Variants in ZNF778 observed in about 807,000 individuals in gnomAD.
ZNF778 encodes zinc finger protein 778.
Under a neutral mutation model 23.9 loss-of-function variants are expected in ZNF778, and 37 were observed. The ratio of observed to expected loss-of-function variants is 1.54; its 90% confidence interval spans 1.19 to 2.03. ZNF778 has a LOEUF of 2.03. Among genes scored for constraint, ZNF778 ranks in the 30% most tolerant of loss-of-function variants. The pLI is 0.00. For synonymous variants in ZNF778, 483 were observed against 343.9 expected, an observed-to-expected ratio of 1.40 and a Z score of -4.48; for missense variants, 1,297 against 934.4, an observed-to-expected ratio of 1.39 and a Z score of -5.06.
rs7205004 is a variant in ZNF778 at position 89,226,299 on chromosome 16, T to G, written c.406-395T>G. ...TAGCTCGCCGCAACCTCTGCCTCCC[T>G]GGTTCAAGCCATTCTTCTGCCTCAG... On this transcript the variant is annotated intron_variant, in intron 6 of 6. Coordinates refer to ENST00000433976, the MANE Select transcript of ZNF778 (RefSeq NM_001201407.2). 6.3e-3 allele frequency among the ~76,000 whole-genome samples: 954 copies of G among 151,154 alleles called. 9 individuals are homozygous for G. Among genetic ancestry groups the G allele is most frequent in the African/African-American group, 0.022 (917 of 41,126 alleles).
chr16:89,236,720 G>T lies in ZNF778; in HGVS notation c.*8158G>T, dbSNP rs904466160. 2 of 152,246 alleles carry T rather than the reference G, an allele frequency of 1.3e-5. No individual in the cohort carries two copies. The highest frequency in any genetic ancestry group is 6.5e-5 in the Admixed American group (1 of 15,280). 9.4% of individuals were successfully genotyped at this position (152,246 alleles called of 1,614,324 possible). ...CGTGGAGGTTCCGTGCTCCATTTCA[G>T]TGGCAAAATACCATTCCAGAAGGAC... is the stretch of plus-strand genomic sequence containing the variant. On this transcript the variant is annotated 3_prime_UTR_variant, in exon 7 of 7. Transcript: ENST00000433976.
At chr16:89,222,651 A>C (rs35492505) in intron 3 of ZNF778, among the ~76,000 whole-genome samples, 14,686 of 152,266 alleles carry the variant, frequency 0.096, 942 homozygotes, top group African/African-American at 0.18. Flanking sequence ...GGCTTGCACC[A>C]CTGCGCCCAG....
Position 89,232,872 on chromosome 16 carries a change from T to C in ZNF778, c.*4310T>C, listed in dbSNP as rs62068538. On this transcript the variant is annotated 3_prime_UTR_variant, in exon 7 of 7. Transcript: ENST00000433976. ...ACCGTGTATGCAAATCAACTCGCAC[T>C]GCGTATGCAACTCAACTCGCACTGC... The C allele has an allele frequency of 8.0e-7, 1 of 1,243,392 alleles. No homozygotes were observed. The highest frequency in any genetic ancestry group is 1.8e-5 in the African/African-American group (1 of 54,678). 77.0% of individuals were successfully genotyped at this position (1,243,392 alleles called of 1,614,324 possible). A position where few individuals can be genotyped will look rare whatever the true frequency, so the allele number is the denominator to read the frequency against.
chr16:89,228,296 G>C lies in ZNF778; in HGVS notation c.2008G>C (p.Glu670Gln), dbSNP rs201576508. ...CGAACACAGAAGGACTCACACAGGA[G>C]AGAAACCTTACATATGTAACGAGTG... is the stretch of plus-strand genomic sequence containing the variant. ...LIEHRRTHTG[E>Q]KPYICNECGK... Residue 670 changes from glutamate (E) to glutamine (Q), a missense_variant, in exon 7 of 7, where the codon GAG (glutamate) becomes CAG (glutamine). Coordinates refer to ENST00000433976, the MANE Select transcript of ZNF778 (RefSeq NM_001201407.2). The C allele has an allele frequency of 5.0e-5, 81 of 1,605,994 alleles. No individual in the cohort carries two copies. The highest frequency in any genetic ancestry group is 6.5e-5 in the Non-Finnish European group (76 of 1,173,654).
rs978468937 is a variant in ZNF778, at chr16:89,230,797, C to T, written c.*2235C>T. 5 of 152,250 alleles carry T rather than the reference C, an allele frequency of 3.3e-5. No individual in the cohort carries two copies. The highest frequency in any genetic ancestry group is 9.6e-5 in the African/African-American group (4 of 41,468). 9.4% of individuals were successfully genotyped at this position (152,250 alleles called of 1,614,324 possible). Reference sequence around the variant, plus strand: ...ATCCCCACGGTATAAAGGTAATCTACAACGAGGTGAACAATAAATCCTGGA... The same window carrying T: ...ATCCCCACGGTATAAAGGTAATCTATAACGAGGTGAACAATAAATCCTGGA... On this transcript the variant is annotated 3_prime_UTR_variant, in exon 7 of 7. Transcript: ENST00000433976.
rs370376546 is a variant in ZNF778 at position 89,233,184 on chromosome 16, G to A, written c.*4622G>A. ...CAGCTCGCACTGCGTATGCAACTCAGCTCGCACTGCGTATGCAACTCAGCT... is the reference window on the plus strand; with the variant it reads ...CAGCTCGCACTGCGTATGCAACTCAACTCGCACTGCGTATGCAACTCAGCT... On this transcript the variant is annotated 3_prime_UTR_variant, in exon 7 of 7. Coordinates refer to ENST00000433976, the MANE Select transcript of ZNF778 (RefSeq NM_001201407.2). 4 of 442,086 alleles carry A rather than the reference G, an allele frequency of 9.0e-6. No homozygotes were observed. The highest frequency in any genetic ancestry group is 3.6e-5 in the African/African-American group (1 of 27,956). The allele number at this position is 442,086 out of a possible 1,614,324, so 27.4% of individuals were successfully genotyped here. A position where few individuals can be genotyped will look rare whatever the true frequency, so the allele number is the denominator to read the frequency against.
chr16:89,232,731 G>A lies in ZNF778; in HGVS notation c.*4169G>A, dbSNP rs928601324. 16 of 1,281,348 alleles carry A rather than the reference G, an allele frequency of 1.2e-5. No individual in the cohort carries two copies. Among genetic ancestry groups the A allele is most frequent in the Non-Finnish European group, 1.2e-5 (12 of 983,386 alleles). The allele number at this position is 1,281,348 out of a possible 1,614,324, so 79.4% of individuals were successfully genotyped here. ...CCTCTCAGGCTAGATCATTCCTAAAGATGGTAAACAACTTGCTGGAAACAT... is the reference window on the plus strand; with the variant it reads ...CCTCTCAGGCTAGATCATTCCTAAAAATGGTAAACAACTTGCTGGAAACAT... On this transcript the variant is annotated 3_prime_UTR_variant, in exon 7 of 7. Transcript: ENST00000433976.
At position 89,226,982 on chromosome 16, in the gene ZNF778, G is replaced by C. The variant is rs372662997; in HGVS notation, c.694G>C (p.Glu232Gln). The C allele has an allele frequency of 2.0e-5, 32 of 1,613,912 alleles. No homozygotes were observed. In the South Asian group the frequency reaches 3.5e-4, roughly 18 times the overall value. Reference protein sequence around the residue: ...DRSLDYSSCGEVFLNQSYLQA... With the variant: ...DRSLDYSSCGQVFLNQSYLQA... ...ATCTCTTGACTACAGCAGCTGTGGG[G>C]AAGTGTTCCTTAATCAGTCATACCT... Residue 232 changes from glutamate (E) to glutamine (Q), a missense_variant, in exon 7 of 7, where the codon GAA (glutamate) becomes CAA (glutamine). By Grantham distance (29) the Glu-to-Gln change is conservative (BLOSUM62 2). Coordinates refer to ENST00000433976, the MANE Select transcript of ZNF778 (RefSeq NM_001201407.2).
chr16:89,228,402 A>T lies in ZNF778; in HGVS notation c.2114A>T (p.Glu705Val), dbSNP rs1364517570. The T allele has an allele frequency of 6.2e-7, 1 of 1,613,800 alleles. No homozygotes were observed. The highest frequency in any genetic ancestry group is 8.5e-7 in the Non-Finnish European group (1 of 1,179,866). The change falls in exon 7 of 7, where the codon GAA (glutamate) becomes GTA (valine). Residue 705 changes from glutamate (E) to valine (V), a missense_variant. Coordinates refer to ENST00000433976, the MANE Select transcript of ZNF778 (RefSeq NM_001201407.2). ...HTGQKPYKCK[E>V]CGKAYNRFYL... Reference sequence around the variant, plus strand: ...GGGCAGAAACCCTATAAATGTAAGGAATGTGGGAAAGCATACAATAGGTTT... The same window carrying T: ...GGGCAGAAACCCTATAAATGTAAGGTATGTGGGAAAGCATACAATAGGTTT...
rs374430269 is a variant in ZNF778 at position 89,235,569 on chromosome 16, G to A, written c.*7007G>A. 7 of 152,202 alleles carry A rather than the reference G, an allele frequency of 4.6e-5. No individual in the cohort carries two copies. The East Asian group carries it at 9.6e-4, about 21-fold the overall frequency. The allele number at this position is 152,202 out of a possible 1,614,324, so 9.4% of individuals were successfully genotyped here. A position where few individuals can be genotyped will look rare whatever the true frequency, so the allele number is the denominator to read the frequency against. Reference sequence around the variant, plus strand: ...AACCTGACTAGGTTACTCGCCTGATGAACCAGTATCTCCATCACCCGTGGG... The same window carrying A: ...AACCTGACTAGGTTACTCGCCTGATAAACCAGTATCTCCATCACCCGTGGG... On this transcript the variant is annotated 3_prime_UTR_variant, in exon 7 of 7. Coordinates refer to ENST00000433976, the MANE Select transcript of ZNF778 (RefSeq NM_001201407.2).
At chr16:89,222,206 C>A (rs946969484) in intron 3 of ZNF778, 23 bp downstream of exon 3, 5 of 1,557,840 alleles carry the variant, frequency 3.2e-6, no homozygotes, top group Non-Finnish European at 4.4e-6. Flanking sequence ...TGTATTTTTT[C>A]TTAAAATAAC....
chr16:89,227,580 CTG>C lies in ZNF778; in HGVS notation c.1295_1296del (p.Val432AlafsTer6). ...TGCAGCTACTGTGGGAAGGCCTTCACTGTGCGCTGTGGCCTTACTAGACACGT... is the reference window on the plus strand; with the variant it reads ...TGCAGCTACTGTGGGAAGGCCTTCACTGCGCTGTGGCCTTACTAGACACGT... On this transcript the variant is annotated frameshift_variant, in exon 7 of 7. Transcript: ENST00000433976. LOFTEE classifies it low-confidence loss of function (END_TRUNC). 6.2e-7 allele frequency: 1 copy of C among 1,614,196 alleles called. No homozygotes were observed. The highest frequency in any genetic ancestry group is 8.5e-7 in the Non-Finnish European group (1 of 1,180,036).
Position 89,229,778 on chromosome 16 carries a change from T to G in ZNF778, c.*1216T>G, listed in dbSNP as rs1162461924. On this transcript the variant is annotated 3_prime_UTR_variant, in exon 7 of 7. Coordinates refer to ENST00000433976, the MANE Select transcript of ZNF778 (RefSeq NM_001201407.2). ...TTAGTCTTGAGGATCCAGATGTGAT[T>G]CTGTGAGCAGTGTAGGCTCTGGTTG... The G allele has an allele frequency of 1.0e-6, 1 of 982,136 alleles. No homozygotes were observed. Among genetic ancestry groups the G allele is most frequent in the African/African-American group, 1.8e-5 (1 of 55,926 alleles). The allele number at this position is 982,136 out of a possible 1,614,324, so 60.8% of individuals were successfully genotyped here. A position where few individuals can be genotyped will look rare whatever the true frequency, so the allele number is the denominator to read the frequency against.
In ZNF778 at chr16:89,228,035, C is replaced by G. The variant is rs375256496; in HGVS notation, c.1747C>G (p.His583Asp). The G allele has an allele frequency of 6.3e-7, 1 of 1,589,346 alleles. No homozygotes were observed. Among genetic ancestry groups the G allele is most frequent in the South Asian group, 1.1e-5 (1 of 88,120 alleles). The change falls in exon 7 of 7, where the codon CAC (histidine) becomes GAC (aspartate). Residue 583 changes from histidine to aspartate, a missense_variant. His to Asp is a moderately conservative substitution (Grantham distance 81). Coordinates refer to ENST00000433976, the MANE Select transcript of ZNF778 (RefSeq NM_001201407.2). ...GTGCCTGAATAAGCACATTCAGATT[C>G]ACACTGGAATAAAACCTTATGAATG... is the stretch of plus-strand genomic sequence containing the variant. The part of the protein sequence containing the change: ...SSCLNKHIQI[H>D]TGIKPYECKD...
Position 89,229,217 on chromosome 16 carries a change from C to G in ZNF778, c.*655C>G, listed in dbSNP as rs1389197561. ...TGATCCTGTGTGAGCAGTGTAGGCT[C>G]TGGTTGGTTAGTCTTGAGGATCCAG... On this transcript the variant is annotated 3_prime_UTR_variant, in exon 7 of 7. Coordinates refer to ENST00000433976, the MANE Select transcript of ZNF778 (RefSeq NM_001201407.2). 1 of 985,682 alleles carries G rather than the reference C, an allele frequency of 1.0e-6. No homozygotes were observed. The highest frequency in any genetic ancestry group is 1.2e-6 in the Non-Finnish European group (1 of 830,108). The allele number at this position is 985,682 out of a possible 1,614,324, so 61.1% of individuals were successfully genotyped here. A position where few individuals can be genotyped will look rare whatever the true frequency, so the allele number is the denominator to read the frequency against.
Position 89,217,749 on chromosome 16 carries a change from G to T in ZNF778, c.-293G>T, listed in dbSNP as rs1232712386. On this transcript the variant is annotated 5_prime_UTR_variant, in exon 1 of 7. Transcript: ENST00000433976. ...TCTTGCGGCGGTGCGTGCTGGCGCCGGAGAGTTCCGCGCGTGTCCTCGGGC... is the reference window on the plus strand; with the variant it reads ...TCTTGCGGCGGTGCGTGCTGGCGCCTGAGAGTTCCGCGCGTGTCCTCGGGC... 6.6e-6 allele frequency: 1 copy of T among 152,222 alleles called. No individual in the cohort carries two copies. Among genetic ancestry groups the T allele is most frequent in the East Asian group, 1.9e-4 (1 of 5,198 alleles). The allele number at this position is 152,222 out of a possible 1,614,324, so 9.4% of individuals were successfully genotyped here.
Position 89,223,176 on chromosome 16 carries a change from A to G in ZNF778, c.137A>G (p.Asp46Gly). The change falls in exon 4 of 7, where the codon GAC becomes GGC. Residue 46 changes from aspartate (D) to glycine (G), a missense_variant. Coordinates refer to ENST00000433976, the MANE Select transcript of ZNF778 (RefSeq NM_001201407.2). ...NCYQDAVTFD[D>G]VAVDFTQEEW... ...ATTTAGGACGCGGTGACCTTTGACG[A>G]CGTGGCTGTGGACTTCACCCAGGAG... 6.2e-7 allele frequency: 1 copy of G among 1,613,846 alleles called. No homozygotes were observed. The highest frequency in any genetic ancestry group is 1.3e-5 in the African/African-American group (1 of 75,036).
chr16:89,228,618 G>T lies in ZNF778; in HGVS notation c.*56G>T. On this transcript the variant is annotated 3_prime_UTR_variant, in exon 7 of 7. Coordinates refer to ENST00000433976, the MANE Select transcript of ZNF778 (RefSeq NM_001201407.2). ...ACTCATTCACGTTGAAGACATGAAAGACCTCTCGTTCTCCAGATGTCCATG... is the reference window on the plus strand; with the variant it reads ...ACTCATTCACGTTGAAGACATGAAATACCTCTCGTTCTCCAGATGTCCATG... 6.6e-7 allele frequency: 1 copy of T among 1,523,470 alleles called. No individual in the cohort carries two copies. The highest frequency in any genetic ancestry group is 1.4e-5 in the South Asian group (1 of 73,186). 94.4% of individuals were successfully genotyped at this position (1,523,470 alleles called of 1,614,324 possible).
In ZNF778 at chr16:89,226,846, C is replaced by A; in HGVS notation, c.558C>A (p.Cys186Ter). The change falls in exon 7 of 7, where the codon TGC becomes TGA. Residue 186 changes from cysteine (C) to a stop codon, truncating the protein, a stop_gained. Transcript: ENST00000433976. LOFTEE classifies it low-confidence loss of function (END_TRUNC). ...ATGAAAGGGACTTTTTTATTCCATG[C>A]CAGAAAACCTTGTTCAAAATTGGAG... ...NHYERDFFIP[C>*]QKTLFKIGEQ... 3 of 1,613,966 alleles carry A rather than the reference C, an allele frequency of 1.9e-6. No individual in the cohort carries two copies. The South Asian group carries it at 3.3e-5, about 18-fold the overall frequency.
Sources: allele counts gnomAD v4.1 joint callset (sites outside exome capture counted in the v4.1 genomes callset), GRCh38; gene constraint gnomAD v4.1.1; transcripts MANE v1.5; gene names NCBI Gene and HGNC (gene_info 2026-07-23, HGNC 2026-07-21).